NOL4L: variants seen among roughly 807,000 people sequenced by gnomAD.
NOL4L encodes nucleolar protein 4 like.
A neutral mutation model predicts 64.5 loss-of-function variants in NOL4L; 7 were observed. The observed-to-expected ratio is 0.11, with a 90% confidence interval of 0.06 to 0.20. NOL4L has a LOEUF of 0.20. Among genes scored for constraint, NOL4L ranks in the 10% least tolerant of loss-of-function variants. The probability of loss-of-function intolerance (pLI) is 1.00; values close to 1 mark genes in which losing one functional copy is unlikely to be tolerated. For synonymous variants in NOL4L, 413 were observed against 401.0 expected, an observed-to-expected ratio of 1.03 and a Z score of -0.36; for missense variants, 680 against 967.1, an observed-to-expected ratio of 0.70 and a Z score of 3.94.
intron 1 of NOL4L, among the ~76,000 whole-genome samples, chr20:32,539,250 G>A (rs1161478046): frequency 2.6e-5 from 4 of 152,208 alleles, no homozygotes; most frequent in Non-Finnish European, 5.9e-5. Flanking sequence ...TTGAACCCTG[G>A]CTCTCCATGG....
intron 3 of NOL4L, among the ~76,000 whole-genome samples, chr20:32,514,273 C>A (rs1162287264): frequency 6.6e-6 from 1 of 152,150 alleles, no homozygotes; most frequent in Non-Finnish European, 1.5e-5. Context: ...AGGCGGATCA[C>A]CCGAGGTCAG....
Position 32,464,977 on chromosome 20 carries a change from T to C in NOL4L, c.842-8582A>G, listed in dbSNP as rs933203870. ...CAGTAGCCGTCCTTGGCTAATGAAT[T>C]AGACGTCACACACCTAGATCTTCCC... On this transcript the variant is annotated intron_variant, in intron 5 of 10. Coordinates refer to ENST00000621426, the MANE Select transcript of NOL4L (RefSeq NM_001256798.2). The surrounding 1 kb of genome is among the most constrained non-coding windows in gnomAD (Gnocchi z 5.6). 1 of 573,468 alleles carries C rather than the reference T, an allele frequency of 1.7e-6. No individual in the cohort carries two copies. Among genetic ancestry groups the C allele is most frequent in the Non-Finnish European group, 3.2e-6 (1 of 316,474 alleles). 35.5% of individuals were successfully genotyped at this position (573,468 alleles called of 1,614,324 possible).
intron 1 of NOL4L, among the ~76,000 whole-genome samples, chr20:32,550,253 T>C (rs2145604305): frequency 6.6e-6 from 1 of 152,324 alleles, no homozygotes; most frequent in African/African-American, 2.4e-5. Flanking sequence ...ATATTTGATT[T>C]TTTGTTTTTT....
intron 1 of NOL4L, among the ~76,000 whole-genome samples, chr20:32,571,887 C>A (rs542970765): frequency 1.3e-5 from 2 of 152,346 alleles, no homozygotes; most frequent in Admixed American, 6.5e-5. Context: ...GAGTGGCCAG[C>A]GGTTGGCTGT....
chr20:32,536,105 G>T (rs760429576), intron 1 of NOL4L: 5 of 985,514 alleles, frequency 5.1e-6, no homozygotes, highest in Middle Eastern at 5.2e-4. Flanking sequence ...CACCTCATAG[G>T]AAGTGTGTGG....
intron 4 of NOL4L, chr20:32,483,423 G>A (rs1568640495): frequency 1.0e-6 from 1 of 987,292 alleles, no homozygotes. Context: ...GGCGGGCGGC[G>A]GTGACAGCCC....
chr20:32,447,190 G>C lies in NOL4L; in HGVS notation c.*406C>G, dbSNP rs1266361598. The C allele has an allele frequency of 6.4e-6, 3 of 466,178 alleles. No individual in the cohort carries two copies. The highest frequency in any genetic ancestry group is 1.3e-5 in the Non-Finnish European group (3 of 234,804). 28.9% of individuals were successfully genotyped at this position (466,178 alleles called of 1,614,324 possible). A position where few individuals can be genotyped will look rare whatever the true frequency, so the allele number is the denominator to read the frequency against. On this transcript the variant is annotated 3_prime_UTR_variant, in exon 11 of 11. Transcript: ENST00000621426. ...AATTACTAAGGGGAGAGGAAGAAAG[G>C]GTCCACTTTGCTTTTCTCAATAAAT...
intron 1 of NOL4L, among the ~76,000 whole-genome samples, chr20:32,569,881 C>T (rs1482754235): frequency 6.6e-6 from 1 of 152,192 alleles, no homozygotes; most frequent in Non-Finnish European, 1.5e-5. Flanking sequence ...ATAGCAGGCA[C>T]CAATCAAAAT....
intron 5 of NOL4L, among the ~76,000 whole-genome samples, chr20:32,471,963 C>T (rs1196828928): frequency 6.6e-6 from 1 of 152,180 alleles, no homozygotes; most frequent in Admixed American, 6.5e-5. Flanking sequence ...ACCAAATAAA[C>T]CTCTTTTCTT....
intron 3 of NOL4L, among the ~76,000 whole-genome samples, chr20:32,517,146 GT>G (rs1568678370): frequency 2.0e-5 from 3 of 152,082 alleles, no homozygotes; most frequent in African/African-American, 4.8e-5. Context: ...GGCTGTCCAG[GT>G]CCCCCCCACT....
rs922300936 is a variant in NOL4L at position 32,515,883 on chromosome 20, T to A, written c.590-4427A>T. Reference sequence around the variant, plus strand: ...AAGAGCCCAGAGAGATCTTTCAACATCTCTTTGCCAAGAAAAATGGAAACC... The same window carrying A: ...AAGAGCCCAGAGAGATCTTTCAACAACTCTTTGCCAAGAAAAATGGAAACC... On this transcript the variant is annotated intron_variant, in intron 3 of 10. Transcript: ENST00000621426. Among the ~76,000 whole-genome samples the A allele has an allele frequency of 2.7e-4, 41 of 152,088 alleles. 1 individual carries two copies. The highest frequency in any genetic ancestry group is 9.7e-4 in the African/African-American group (40 of 41,412).
chr20:32,536,799 T>TGGGG (rs1315042922), intron 1 of NOL4L, among the ~76,000 whole-genome samples: 2 of 31,884 alleles, frequency 6.3e-5, no homozygotes, highest in African/African-American at 1.3e-4. Flanking sequence ...CGGCTGGGAG[T>TGGGG]GGGGGGGGGG....
At chr20:32,545,075 C>A (rs1297889299) in intron 1 of NOL4L, among the ~76,000 whole-genome samples, 2 of 152,022 alleles carry the variant, frequency 1.3e-5, no homozygotes, top group Non-Finnish European at 2.9e-5. Context: ...TCTGGGGGAA[C>A]CTACAGAGGT....
At chr20:32,528,593 C>G (rs545790573) in intron 1 of NOL4L, among the ~76,000 whole-genome samples, 1 of 152,330 alleles carries the variant, frequency 6.6e-6, no homozygotes, top group East Asian at 1.9e-4. Flanking sequence ...TCAGCTGGCC[C>G]GACTAGGTGT....
At chr20:32,536,498 G>C (rs1471086959) in intron 1 of NOL4L, 2 of 154,146 alleles carry the variant, frequency 1.3e-5, no homozygotes, top group Admixed American at 1.3e-4. Flanking sequence ...AGGGGCGGGG[G>C]CGAGGCGGCC....
chr20:32,581,601 C>T (rs1980477602), intron 1 of NOL4L, among the ~76,000 whole-genome samples: 1 of 152,134 alleles, frequency 6.6e-6, no homozygotes, highest in Non-Finnish European at 1.5e-5. Flanking sequence ...TGCTGGATGA[C>T]CCAACTCCCA....
chr20:32,477,608 G>A (rs979833671), intron 4 of NOL4L, among the ~76,000 whole-genome samples: 1 of 152,250 alleles, frequency 6.6e-6, no homozygotes, highest in African/African-American at 2.4e-5. Flanking sequence ...GGTGTTTAAT[G>A]AGGACGCTCC....
chr20:32,496,958 G>A (rs759976910), intron 4 of NOL4L, among the ~76,000 whole-genome samples: 2 of 149,844 alleles, frequency 1.3e-5, no homozygotes, highest in African/African-American at 2.5e-5. Context: ...AATAGGGGTC[G>A]GGGAGCTACC....
chr20:32,475,202 C>T (rs553910235), intron 4 of NOL4L: 339 of 985,478 alleles, frequency 3.4e-4, no homozygotes, highest in Non-Finnish European at 3.9e-4. Flanking sequence ...GCAGGCCTGG[C>T]GCCCTGACTC....
Sources: gnomAD v4.1 joint callset for allele counts (sites outside exome capture counted in the v4.1 genomes callset) on GRCh38, gnomAD v4.1.1 for gene constraint, Gnocchi (gnomAD v3.1) non-coding constraint, MANE v1.5 for transcripts, NCBI Gene and HGNC (gene_info 2026-07-23, HGNC 2026-07-21) for gene names.